Variants in LRRC4C observed in about 807,000 individuals in gnomAD.
LRRC4C encodes leucine rich repeat containing 4C.
LRRC4C carries 5 observed loss-of-function variants against 33.6 expected under a neutral mutation model. The ratio of observed to expected loss-of-function variants is 0.15; its 90% CI spans 0.08 to 0.31. The LOEUF (loss-of-function observed/expected upper bound fraction) is 0.31. Among genes scored for constraint, LRRC4C ranks in the 10% least tolerant of loss-of-function variants. The pLI is 1.00. For synonymous variants in LRRC4C, 329 were observed against 302.0 expected (o/e 1.09, Z -0.93); for missense variants, 560 against 796.7 (o/e 0.70, Z 3.58).
At chr11:40,303,380 C>T (rs561104436) in intron 4 of LRRC4C, among the ~76,000 whole-genome samples, 2 of 152,280 alleles carry the variant, frequency 1.3e-5, no homozygotes, top group East Asian at 1.9e-4. Flanking sequence ...TAATGAAGTA[C>T]TCCCTCAAAA....
intron 1 of LRRC4C, among the ~76,000 whole-genome samples, chr11:41,243,733 T>C (rs115674271): frequency 1.6e-3 from 243 of 152,252 alleles, no homozygotes; most frequent in African/African-American, 5.7e-3. Flanking sequence ...GGAGCAATCA[T>C]CTAGGAGACA....
chr11:40,999,205 C>T (rs938059690), intron 1 of LRRC4C, among the ~76,000 whole-genome samples: 23 of 152,052 alleles, frequency 1.5e-4, no homozygotes, highest in Admixed American at 9.2e-4. Flanking sequence ...GTAAATGTCT[C>T]CTGGTATTAG....
chr11:40,517,623 C>G (rs142962378), intron 3 of LRRC4C, among the ~76,000 whole-genome samples: 1,838 of 152,070 alleles, frequency 0.012, 17 homozygotes, highest in Non-Finnish European at 0.018. Flanking sequence ...TTAAGAGAAG[C>G]CTTATGGTGG....
intron 3 of LRRC4C, among the ~76,000 whole-genome samples, chr11:40,332,773 C>T (rs1244269876): frequency 6.6e-6 from 1 of 152,146 alleles, no homozygotes; most frequent in Non-Finnish European, 1.5e-5. Context: ...CATGTCAATA[C>T]TTTCTAGTTG....
intron 4 of LRRC4C, among the ~76,000 whole-genome samples, chr11:40,287,702 T>G (rs1943939976): frequency 6.6e-6 from 1 of 152,204 alleles, no homozygotes; most frequent in African/African-American, 2.4e-5. Flanking sequence ...TCATTCATGT[T>G]TTTATGCCTG....
At chr11:41,444,750 A>G (rs1046327121) in intron 1 of LRRC4C, among the ~76,000 whole-genome samples, 1 of 152,144 alleles carries the variant, frequency 6.6e-6, no homozygotes, top group Non-Finnish European at 1.5e-5. Flanking sequence ...AGTATAGAAA[A>G]GTGGAGAGAA....
chr11:40,981,589 G>C (rs372100658), intron 1 of LRRC4C, among the ~76,000 whole-genome samples: 2 of 152,118 alleles, frequency 1.3e-5, no homozygotes, highest in East Asian at 3.9e-4. Flanking sequence ...GTTTTCCTGG[G>C]GCCGAAGTCA....
intron 1 of LRRC4C, among the ~76,000 whole-genome samples, chr11:41,257,497 TAGA>T (rs2136695605): frequency 6.6e-6 from 1 of 152,124 alleles, no homozygotes; most frequent in African/African-American, 2.4e-5. Flanking sequence ...ACCTGAGTGA[TAGA>T]AGAACACCAG....
At chr11:40,592,642 T>C (rs1959109740) in intron 3 of LRRC4C, among the ~76,000 whole-genome samples, 1 of 152,168 alleles carries the variant, frequency 6.6e-6, no homozygotes, top group African/African-American at 2.4e-5. Context: ...CCTTAGCTGC[T>C]TCTGGTAAAT....
intron 3 of LRRC4C, among the ~76,000 whole-genome samples, chr11:40,378,901 T>C (rs1172264620): frequency 6.6e-6 from 1 of 152,174 alleles, no homozygotes; most frequent in African/African-American, 2.4e-5. Context: ...AATATATGTG[T>C]GAGCATGTAT....
chr11:40,567,973 G>A (rs1259057984), intron 3 of LRRC4C, among the ~76,000 whole-genome samples: 2 of 152,166 alleles, frequency 1.3e-5, no homozygotes, highest in African/African-American at 2.4e-5. Flanking sequence ...GCATTTGGAA[G>A]GTTCAAGTCA....
chr11:40,554,736 CTTTTT>C (rs34678892), intron 3 of LRRC4C, among the ~76,000 whole-genome samples: 38 of 88,410 alleles, frequency 4.3e-4, no homozygotes, highest in Middle Eastern at 6.3e-3. Context: ...GGATTGCATT[CTTTTT>C]TTTTTTTTTT....
chr11:41,041,756 G>T (rs770889234), intron 1 of LRRC4C, among the ~76,000 whole-genome samples: 26 of 151,994 alleles, frequency 1.7e-4, no homozygotes, highest in Non-Finnish European at 3.2e-4. Flanking sequence ...CACACTAACA[G>T]ACTGGAAGCC....
chr11:41,044,899 C>T (rs185443757), intron 1 of LRRC4C, among the ~76,000 whole-genome samples: 48 of 152,204 alleles, frequency 3.2e-4, no homozygotes, highest in African/African-American at 1.2e-3. Context: ...GGGAGCATTG[C>T]AGTACCAGGG....
chr11:40,936,869 A>T (rs538859152), intron 1 of LRRC4C, among the ~76,000 whole-genome samples: 4 of 152,282 alleles, frequency 2.6e-5, no homozygotes, highest in African/African-American at 9.6e-5. Flanking sequence ...ACAAGTTCTA[A>T]TTTGAAATTA....
At chr11:40,215,158 A>G (rs1006742814) in intron 5 of LRRC4C, among the ~76,000 whole-genome samples, 2 of 152,088 alleles carry the variant, frequency 1.3e-5, no homozygotes, top group Non-Finnish European at 2.9e-5. Context: ...CCAGCATCCC[A>G]ATTTTGAGTC....
At chr11:40,962,499 G>T (rs534960706) in intron 1 of LRRC4C, among the ~76,000 whole-genome samples, 4 of 151,818 alleles carry the variant, frequency 2.6e-5, no homozygotes, top group African/African-American at 9.6e-5. Flanking sequence ...ATAACGTATT[G>T]TAATAAATAA....
At chr11:40,167,232 A>G (rs1361880180) in intron 5 of LRRC4C, among the ~76,000 whole-genome samples, 1 of 152,172 alleles carries the variant, frequency 6.6e-6, no homozygotes, top group Non-Finnish European at 1.5e-5. Context: ...TCTTGAAAAT[A>G]CATAGCCTCT....
At chr11:40,276,102 A>G (rs559361105) in intron 4 of LRRC4C, among the ~76,000 whole-genome samples, 214 of 152,296 alleles carry the variant, frequency 1.4e-3, no homozygotes, top group Non-Finnish European at 2.5e-3. Context: ...CACTTATTTT[A>G]CAAATGAAGG....
Sources: allele counts gnomAD v4.1 joint callset (sites outside exome capture counted in the v4.1 genomes callset), GRCh38; gene constraint gnomAD v4.1.1; transcripts MANE v1.5; gene names NCBI Gene and HGNC (gene_info 2026-07-23, HGNC 2026-07-21).